Variants in ACSS1 observed in about 807,000 individuals in gnomAD.
ACSS1 encodes the protein acyl-CoA synthetase short chain family member 1.
Under a neutral mutation model 75.3 loss-of-function variants are expected in ACSS1, and 42 were observed. The observed-to-expected ratio is 0.56, with a 90% CI of 0.44 to 0.72. The LOEUF (loss-of-function observed/expected upper bound fraction) is 0.72. Ranked by LOEUF, ACSS1 falls within the 30% of genes least tolerant of loss-of-function variation. The probability of loss-of-function intolerance (pLI) is 0.00; values close to 1 mark genes in which losing one functional copy is unlikely to be tolerated. For synonymous variants in ACSS1, 380 were observed against 376.8 expected (o/e 1.01, Z -0.10); for missense variants, 782 against 935.7 (o/e 0.84, Z 2.14).
intron 3 of ACSS1, among the ~76,000 whole-genome samples, chr20:25,027,469 G>A (rs1405534862): frequency 6.6e-6 from 1 of 152,152 alleles, no homozygotes; most frequent in African/African-American, 2.4e-5. Context: ...CCTAGGAAAG[G>A]AAGGGTGGTT....
intron 2 of ACSS1, among the ~76,000 whole-genome samples, chr20:25,032,857 G>C (rs2088850398): frequency 6.6e-6 from 1 of 152,112 alleles, no homozygotes; most frequent in South Asian, 2.1e-4. Flanking sequence ...AGATCGCAAG[G>C]CCAGCCCGCA....
chr20:25,030,950 A>T lies in ACSS1; in HGVS notation c.440T>A (p.Leu147Gln). The change falls in exon 3 of 14, where the codon CTG becomes CAG. Residue 147 changes from leucine (L) to glutamine (Q), a missense_variant. Physicochemically the swap from Leu to Gln is moderately radical, Grantham distance 113. Transcript: ENST00000323482. ...TEVRITYREL[L>Q]ETTCRLANTL... ...GTTGGCCAGGCGGCACGTGGTCTCC[A>T]GTAGTTCCCTGCAGCACAGGGAAGA... 1 of 1,614,094 alleles carries T rather than the reference A, an allele frequency of 6.2e-7. No individual in the cohort carries two copies. Among genetic ancestry groups the T allele is most frequent in the Admixed American group, 1.7e-5 (1 of 60,024 alleles).
chr20:25,045,570 C>T (rs2089075500), intron 2 of ACSS1, among the ~76,000 whole-genome samples: 1 of 152,224 alleles, frequency 6.6e-6, no homozygotes, highest in Non-Finnish European at 1.5e-5. Context: ...TTTAAAGGGC[C>T]CAGGCTGCTA....
intron 5 of ACSS1, among the ~76,000 whole-genome samples, chr20:25,022,696 C>G (rs556475106): frequency 6.6e-6 from 1 of 152,382 alleles, no homozygotes; most frequent in South Asian, 2.1e-4. Context: ...CCTTAGTGTC[C>G]TGCTGCCGCG....
At position 25,012,607 on chromosome 20, in the gene ACSS1, C is replaced by A; in HGVS notation, c.1765G>T (p.Gly589Ter). ...AVIGYPHDIK[G>*]EAAFAFIVVK... ...TCATCTCCAGGACACTCACCTTCTC[C>A]TTTGATGTCGTGGGGGTAGCCAATG... The change falls in exon 12 of 14, where the codon GGA (glycine) becomes TGA (stop). Residue 589 changes from glycine to a stop codon, truncating the protein, a stop_gained. Coordinates refer to ENST00000323482, the MANE Select transcript of ACSS1 (RefSeq NM_032501.4). LOFTEE classifies it high-confidence loss of function. 2 of 1,614,182 alleles carry A rather than the reference C, an allele frequency of 1.2e-6. No individual in the cohort carries two copies. Among genetic ancestry groups the A allele is most frequent in the Non-Finnish European group, 1.7e-6 (2 of 1,180,034 alleles).
At chr20:25,023,433 T>C (rs1266349982) in intron 4 of ACSS1, 33 bp downstream of exon 4, 35 of 1,612,768 alleles carry the variant, frequency 2.2e-5, no homozygotes, top group Non-Finnish European at 3.0e-5. Flanking sequence ...TGATATGACC[T>C]CGCCTCAAAC....
intron 2 of ACSS1, among the ~76,000 whole-genome samples, chr20:25,047,864 A>G (rs551285380): frequency 6.6e-6 from 1 of 152,340 alleles, no homozygotes; most frequent in African/African-American, 2.4e-5. Flanking sequence ...TTATTGTCCC[A>G]TCCTCACAAG....
intron 8 of ACSS1, 57 bp downstream of exon 8, chr20:25,015,081 C>T: frequency 6.6e-7 from 1 of 1,505,648 alleles, no homozygotes. Flanking sequence ...CCCAGCCTCA[C>T]ACCTGACCCT....
rs1194746294 is a variant in ACSS1 at position 25,021,373 on chromosome 20, G to C, written c.1108+16C>G. ...GACACCAGCATGGGGTCCCAAACAG[G>C]GTTCACCATCCTTACCAGCATTGGG... On this transcript the variant is annotated intron_variant, in intron 6 of 13. Transcript: ENST00000323482. 1.4e-5 allele frequency: 22 copies of C among 1,612,632 alleles called. No individual in the cohort carries two copies. Among genetic ancestry groups the C allele is most frequent in the Non-Finnish European group, 1.7e-5 (20 of 1,179,244 alleles).
intron 2 of ACSS1, chr20:25,046,832 T>G: frequency 1.3e-6 from 1 of 779,780 alleles, no homozygotes; most frequent in Non-Finnish European, 2.4e-6. Flanking sequence ...GGCAGAAGAA[T>G]GCTGCTGGCC....
At position 25,024,193 on chromosome 20, in the gene ACSS1, T is replaced by C. The variant is rs139443524; in HGVS notation, c.632-552A>G. On this transcript the variant is annotated intron_variant, in intron 3 of 13. Transcript: ENST00000323482. ...TGGGAGCTGCCTGCCCACCTTACCT[T>C]CAGGAGAAGGCCCTCCTGATCCCAC... Among the ~76,000 whole-genome samples the C allele has an allele frequency of 5.0e-3, 761 of 152,228 alleles. 10 individuals are homozygous for C. Among genetic ancestry groups the C allele is most frequent in the African/African-American group, 0.017 (697 of 41,540 alleles).
intron 1 of ACSS1, among the ~76,000 whole-genome samples, chr20:25,052,327 C>CA (rs1233705372): frequency 2.6e-5 from 4 of 152,214 alleles, no homozygotes; most frequent in Admixed American, 6.5e-5. Flanking sequence ...GGACCCATGG[C>CA]AATTTAAAGT....
chr20:25,055,134 T>A (rs1012751634), intron 1 of ACSS1, among the ~76,000 whole-genome samples: 5 of 152,252 alleles, frequency 3.3e-5, no homozygotes, highest in Non-Finnish European at 5.9e-5. Flanking sequence ...AGTAAGGTCT[T>A]TAAACTAAAT....
In ACSS1 at chr20:25,057,796, A is replaced by G. The variant is rs776942719; in HGVS notation, c.307T>C (p.Phe103Leu). The G allele has an allele frequency of 3.8e-6, 6 of 1,593,378 alleles. No homozygotes were observed. Among genetic ancestry groups the G allele is most frequent in the Non-Finnish European group, 5.1e-6 (6 of 1,165,172 alleles). ...CDFSTGKIGW[F>L]LGGQLNVSVN... Reference sequence around the variant, plus strand: ...GAGACATTTAACTGGCCTCCCAGGAACCAGCCGATCTTGCCAGTGCTGAAG... The same window carrying G: ...GAGACATTTAACTGGCCTCCCAGGAGCCAGCCGATCTTGCCAGTGCTGAAG... The change falls in exon 1 of 14, where the codon TTC becomes CTC. Residue 103 changes from phenylalanine to leucine, a missense_variant. Physicochemically the swap from Phe to Leu is conservative, Grantham distance 22. This residue lies in a region of ACSS1 where 377 missense variants were observed against 383.1 expected (regional missense o/e 0.98). Transcript: ENST00000323482.
intron 7 of ACSS1, 130 bp downstream of exon 7, chr20:25,019,880 G>A (rs6115002): frequency 0.1 from 139,321 of 1,345,054 alleles, 8,283 homozygotes; most frequent in African/African-American, 0.21. Context: ...TACCAGATCC[G>A]GTCTGGCATT....
At chr20:25,033,647 G>A (rs2088863850) in intron 2 of ACSS1, among the ~76,000 whole-genome samples, 1 of 152,254 alleles carries the variant, frequency 6.6e-6, no homozygotes, top group East Asian at 1.9e-4. Flanking sequence ...TGGGGTGTTT[G>A]CATTTGAGAA....
intron 2 of ACSS1, among the ~76,000 whole-genome samples, chr20:25,036,996 A>AAAGGAAGGAAGGAAGGAAGGAAGGAAG (rs1568843562): frequency 1.3e-5 from 1 of 79,240 alleles, no homozygotes; most frequent in African/African-American, 5.1e-5. Context: ...AAAGAAAGAA[A>AAAGGAAGGAAGGAAGGAAGGAAGGAAG]GAAGAAAGAA....
chr20:25,043,234 C>T (rs1220617176), intron 2 of ACSS1, among the ~76,000 whole-genome samples: 1 of 152,224 alleles, frequency 6.6e-6, no homozygotes, highest in Non-Finnish European at 1.5e-5. Flanking sequence ...GCCTTCTCCA[C>T]CTAAGTGTCT....
chr20:25,035,593 C>G (rs1394842954), intron 2 of ACSS1, among the ~76,000 whole-genome samples: 1 of 151,968 alleles, frequency 6.6e-6, no homozygotes, highest in Non-Finnish European at 1.5e-5. Flanking sequence ...TTAGTAGAGA[C>G]AGGTTTCACC....
Sources: gnomAD v4.1 joint callset for allele counts (sites outside exome capture counted in the v4.1 genomes callset) on GRCh38, gnomAD v4.1.1 for gene constraint, gnomAD v4.1.1 regional missense constraint, MANE v1.5 for transcripts, NCBI Gene and HGNC (gene_info 2026-07-23, HGNC 2026-07-21) for gene names.